Variants in MYBL1 observed in about 807,000 individuals in gnomAD.
The protein encoded by MYBL1 is MYB proto-oncogene like 1, also known as myb-related protein A.
A neutral mutation model predicts 96.3 loss-of-function variants in MYBL1; 17 were observed. The observed-to-expected ratio is 0.18, with a 90% CI of 0.12 to 0.26. MYBL1 has a LOEUF of 0.26. MYBL1 is among the 10% of genes least tolerant of loss of function. The pLI is 1.00. For synonymous variants in MYBL1, 282 were observed against 292.7 expected, an observed-to-expected ratio of 0.96 and a Z score of 0.37; for missense variants, 701 against 882.9, an observed-to-expected ratio of 0.79 and a Z score of 2.61.
intron 3 of MYBL1, 33 bp downstream of exon 3, chr8:66,601,665 C>T (rs1474117378): frequency 8.2e-7 from 1 of 1,225,990 alleles, no homozygotes; most frequent in Non-Finnish European, 1.2e-6. Context: ...TTAAACCAGC[C>T]ATGTTAGAAA....
chr8:66,590,337 G>C (rs1002553166), intron 8 of MYBL1, among the ~76,000 whole-genome samples: 35 of 152,026 alleles, frequency 2.3e-4, no homozygotes, highest in African/African-American at 8.0e-4. Flanking sequence ...TGTAAAAAGG[G>C]GCAAGGAATG....
intron 1 of MYBL1, among the ~76,000 whole-genome samples, chr8:66,609,754 A>C (rs1407510245): frequency 6.6e-6 from 1 of 151,984 alleles, no homozygotes; most frequent in Non-Finnish European, 1.5e-5. Flanking sequence ...ATGTCTTCAA[A>C]TATATACATT....
chr8:66,572,370 T>G lies in MYBL1; in HGVS notation c.1728+112A>C, dbSNP rs1808770534. 7.3e-6 allele frequency: 4 copies of G among 546,214 alleles called. No homozygotes were observed. In the East Asian group the frequency reaches 1.2e-4, roughly 16 times the overall value. 33.8% of individuals were successfully genotyped at this position (546,214 alleles called of 1,614,324 possible). A position where few individuals can be genotyped will look rare whatever the true frequency, so the allele number is the denominator to read the frequency against. ...GAAAATCAAAAGATAAAGCTTTGTA[T>G]CTGTTTCAGTAAATATCTTTTTTTA... On this transcript the variant is annotated intron_variant, in intron 12 of 15. Coordinates refer to ENST00000522677, the MANE Select transcript of MYBL1 (RefSeq NM_001080416.4).
rs192716760 is a variant in MYBL1, at chr8:66,562,406, A to T, written c.*2291T>A. On this transcript the variant is annotated 3_prime_UTR_variant, in exon 16 of 16. Transcript: ENST00000522677. ...GCATTTGTATAACATACTGAAAGAA[A>T]CTCAGAGGAACAAAACAGTATAAAG... 9 of 152,726 alleles carry T rather than the reference A, an allele frequency of 5.9e-5. No homozygotes were observed. The highest frequency in any genetic ancestry group is 1.9e-4 in the African/African-American group (8 of 41,542). 9.5% of individuals were successfully genotyped at this position (152,726 alleles called of 1,614,324 possible).
At chr8:66,577,600 C>T (rs1367971126) in intron 9 of MYBL1, among the ~76,000 whole-genome samples, 2 of 151,636 alleles carry the variant, frequency 1.3e-5, no homozygotes, top group Non-Finnish European at 2.9e-5. Flanking sequence ...AATGGAAGAA[C>T]ATTCCATGCT....
At position 66,562,787 on chromosome 8, in the gene MYBL1, G is replaced by A. The variant is rs1442799584; in HGVS notation, c.*1910C>T. 1 of 152,238 alleles carries A rather than the reference G, an allele frequency of 6.6e-6. No individual in the cohort carries two copies. Among genetic ancestry groups the A allele is most frequent in the Non-Finnish European group, 1.5e-5 (1 of 67,944 alleles). The allele number at this position is 152,238 out of a possible 1,614,324, so 9.4% of individuals were successfully genotyped here. ...TGGTTTCACTAAGTGAAATTTCTGT[G>A]AGAAGTTCATTAATTAGAAAGCAAT... is the stretch of plus-strand genomic sequence containing the variant. On this transcript the variant is annotated 3_prime_UTR_variant, in exon 16 of 16. Transcript: ENST00000522677.
At chr8:66,604,936 C>A (rs1340481550) in intron 1 of MYBL1, among the ~76,000 whole-genome samples, 1 of 151,980 alleles carries the variant, frequency 6.6e-6, no homozygotes, top group Non-Finnish European at 1.5e-5. Flanking sequence ...TAGTTTGGGA[C>A]TAGCTGTTTT....
rs1482194468 is a variant in MYBL1 at position 66,564,379 on chromosome 8, G to A, written c.*318C>T. 5.9e-6 allele frequency: 1 copy of A among 169,290 alleles called. No homozygotes were observed. Among genetic ancestry groups the A allele is most frequent in the Non-Finnish European group, 1.3e-5 (1 of 79,286 alleles). 10.5% of individuals were successfully genotyped at this position (169,290 alleles called of 1,614,324 possible). A position where few individuals can be genotyped will look rare whatever the true frequency, so the allele number is the denominator to read the frequency against. On this transcript the variant is annotated 3_prime_UTR_variant, in exon 16 of 16. Coordinates refer to ENST00000522677, the MANE Select transcript of MYBL1 (RefSeq NM_001080416.4). ...CTATAACAAAACTGCAGCATCAAGAGAGTAGCAACATATATCTTGTGAAGA... is the reference window on the plus strand; with the variant it reads ...CTATAACAAAACTGCAGCATCAAGAAAGTAGCAACATATATCTTGTGAAGA...
At chr8:66,575,739 G>A (rs1344501626) in intron 10 of MYBL1, among the ~76,000 whole-genome samples, 1 of 152,076 alleles carries the variant, frequency 6.6e-6, no homozygotes, top group Non-Finnish European at 1.5e-5. Context: ...GCGGTGAGCC[G>A]TGTTTGTGCC....
At chr8:66,592,963 CACTT>C (rs1809706415) in intron 7 of MYBL1, among the ~76,000 whole-genome samples, 153 bp downstream of exon 7, 2 of 152,138 alleles carry the variant, frequency 1.3e-5, no homozygotes, top group South Asian at 2.1e-4. Flanking sequence ...TCTTCAAACT[CACTT>C]ACACACTTTC....
At chr8:66,601,941 A>C (rs907525733) in intron 2 of MYBL1, among the ~76,000 whole-genome samples, 172 bp from the exon 3 acceptor site, 7 of 152,198 alleles carry the variant, frequency 4.6e-5, no homozygotes. Context: ...CTAAGTTCCA[A>C]TGTCATCAGT....
At chr8:66,590,166 C>T (rs1351395616) in intron 8 of MYBL1, among the ~76,000 whole-genome samples, 6 of 152,186 alleles carry the variant, frequency 3.9e-5, no homozygotes, top group Non-Finnish European at 8.8e-5. Flanking sequence ...TTATTAATAT[C>T]CTCTTAAGTA....
chr8:66,583,547 A>C (rs1809298315), intron 8 of MYBL1, among the ~76,000 whole-genome samples: 1 of 152,058 alleles, frequency 6.6e-6, no homozygotes, highest in African/African-American at 2.4e-5. Context: ...TTTTTAAAGA[A>C]ATAAACGAAA....
chr8:66,573,163 G>A (rs940527772), intron 11 of MYBL1, among the ~76,000 whole-genome samples: 12 of 150,536 alleles, frequency 8.0e-5, no homozygotes, highest in African/African-American at 4.9e-5. Flanking sequence ...GCAGTGAGCC[G>A]AGATCTCACC....
chr8:66,604,655 G>C (rs1280278553), intron 1 of MYBL1, among the ~76,000 whole-genome samples: 1 of 151,988 alleles, frequency 6.6e-6, no homozygotes, highest in Non-Finnish European at 1.5e-5. Context: ...GTAAAAGACA[G>C]GTAAATGTGA....
chr8:66,597,581 G>A, intron 4 of MYBL1, 31 bp from the exon 5 acceptor site: 1 of 1,343,712 alleles, frequency 7.4e-7, no homozygotes, highest in Non-Finnish European at 1.0e-6. Context: ...GTTTAAAAAA[G>A]CATTACCTTC....
At chr8:66,578,860 G>C (rs1809079453) in intron 9 of MYBL1, among the ~76,000 whole-genome samples, 1 of 152,174 alleles carries the variant, frequency 6.6e-6, no homozygotes, top group Non-Finnish European at 1.5e-5. Context: ...ACTGGATTAA[G>C]AAAATGTGGC....
At position 66,566,045 on chromosome 8, in the gene MYBL1, G is replaced by T. The variant is rs1485713267; in HGVS notation, c.2130+19C>A. ...CTAAACAAAAACAAAAATCACTAAAGAAATTTATAAATCCATACCTGAAGA... is the reference window on the plus strand; with the variant it reads ...CTAAACAAAAACAAAAATCACTAAATAAATTTATAAATCCATACCTGAAGA... On this transcript the variant is annotated intron_variant, in intron 15 of 15. Coordinates refer to ENST00000522677, the MANE Select transcript of MYBL1 (RefSeq NM_001080416.4). 3.4e-6 allele frequency: 5 copies of T among 1,455,988 alleles called. No individual in the cohort carries two copies. Among genetic ancestry groups the T allele is most frequent in the Non-Finnish European group, 3.7e-6 (4 of 1,093,414 alleles). The allele number at this position is 1,455,988 out of a possible 1,614,324, so 90.2% of individuals were successfully genotyped here.
At chr8:66,594,637 A>C (rs1809781942) in intron 6 of MYBL1, among the ~76,000 whole-genome samples, 1 of 152,114 alleles carries the variant, frequency 6.6e-6, no homozygotes, top group Admixed American at 6.6e-5. Flanking sequence ...TGAAATCTAG[A>C]CTCTAAAGAA....
Sources: allele counts gnomAD v4.1 joint callset (sites outside exome capture counted in the v4.1 genomes callset), GRCh38; gene constraint gnomAD v4.1.1; transcripts MANE v1.5; gene names NCBI Gene and HGNC (gene_info 2026-07-23, HGNC 2026-07-21).